Variants in TYK2 observed in about 807,000 individuals in gnomAD.
TYK2 encodes non-receptor tyrosine-protein kinase TYK2.
In TYK2, 65 loss-of-function variants were observed where a neutral mutation model predicts 130.9. That is an observed-to-expected ratio of 0.50 (90% CI 0.41 to 0.61). TYK2 has a LOEUF of 0.61. Among genes scored for constraint, TYK2 ranks in the 20% least tolerant of loss-of-function variants. TYK2 has a pLI of 0.00. For missense variants in TYK2, 1,378 were observed against 1,610.7 expected (o/e 0.86, Z 2.47); for synonymous variants, 647 against 658.9 (o/e 0.98, Z 0.28).
chr19:10,356,430 T>C, intron 18 of TYK2, 138 bp downstream of exon 18: 1 of 1,038,308 alleles, frequency 9.6e-7, no homozygotes, highest in Non-Finnish European at 1.4e-6. Context: ...AGGCAGGGCA[T>C]GCTTATGAAT....
At chr19:10,365,102 C>G in intron 7 of TYK2, 54 bp from the exon 8 acceptor site, 1 of 1,516,778 alleles carries the variant, frequency 6.6e-7, no homozygotes. Flanking sequence ...CCGTTTATAC[C>G]TCCTGCACTT....
chr19:10,358,205 C>A, intron 15 of TYK2, 67 bp from the exon 16 acceptor site: 2 of 1,510,238 alleles, frequency 1.3e-6, no homozygotes, highest in South Asian at 1.2e-5. Context: ...CAAACCTGGT[C>A]CCCATAGGGA....
intron 3 of TYK2, among the ~76,000 whole-genome samples, chr19:10,372,296 GTTT>G (rs776320771): frequency 1.5e-5 from 2 of 129,940 alleles, no homozygotes; most frequent in East Asian, 4.4e-4. Context: ...CCCGGCCTGG[GTTT>G]TTTTTTTTTT....
chr19:10,377,654 GAAT>G (rs1568346703), intron 3 of TYK2, among the ~76,000 whole-genome samples: 1 of 1,144 alleles, frequency 8.7e-4, no homozygotes, highest in Non-Finnish European at 2.0e-3. Context: ...GTGGATGGAT[GAAT>G]GGGTGGGTAT....
intron 3 of TYK2, among the ~76,000 whole-genome samples, chr19:10,372,476 ATATATATATT>A (rs1482276713): frequency 2.0e-4 from 13 of 63,690 alleles, no homozygotes; most frequent in African/African-American, 8.8e-4. Flanking sequence ...ATATATATAT[ATATATATATT>A]TTTTTTTTTT....
At chr19:10,378,101 A>G (rs201987501) in intron 3 of TYK2, 113 bp downstream of exon 3, 14 of 861,602 alleles carry the variant, frequency 1.6e-5, no homozygotes, top group Admixed American at 8.8e-5. Context: ...TGGATGGATG[A>G]GTGGGTGGAT....
At position 10,358,084 on chromosome 19, in the gene TYK2, G is replaced by T. The variant is rs142676100; in HGVS notation, c.2230C>A (p.Arg744=). The T allele has an allele frequency of 8.5e-5, 137 of 1,612,552 alleles. No individual in the cohort carries two copies. The highest frequency in any genetic ancestry group is 3.2e-4 in the Admixed American group (19 of 59,858). The change falls in exon 16 of 25, where the codon CGG becomes AGG. Residue 744 remains arginine (R), a synonymous_variant. Transcript: ENST00000525621. The part of the protein sequence containing the change: ...NVCGRNILLA[R]LGLAEGTSPF... ...CTGGTGCCCTCTGCCAACCCCAGCC[G>T]GGCCAGCAGGATGTTCCGGCCACAC...
At chr19:10,369,753 G>A (rs2041831708) in intron 3 of TYK2, 1 of 453,564 alleles carries the variant, frequency 2.2e-6, no homozygotes, top group African/African-American at 2.0e-5. Context: ...TTTAAAAATT[G>A]TACCTGTCGG....
At chr19:10,355,192 C>T (rs559279713) in intron 18 of TYK2, among the ~76,000 whole-genome samples, 98 of 149,364 alleles carry the variant, frequency 6.6e-4, no homozygotes, top group African/African-American at 2.4e-3. Context: ...TTTGGGAGGC[C>T]GAGGCAGGAG....
In TYK2 at chr19:10,353,811, C is replaced by T. The variant is rs2040936771; in HGVS notation, c.2909-165G>A. The T allele has an allele frequency of 5.9e-6, 4 of 683,422 alleles. No homozygotes were observed. The highest frequency in any genetic ancestry group is 5.5e-5 in the Admixed American group (2 of 36,298). The allele number at this position is 683,422 out of a possible 1,614,324, so 42.3% of individuals were successfully genotyped here. On this transcript the variant is annotated intron_variant, in intron 20 of 24. Transcript: ENST00000525621. The surrounding 1 kb of genome is among the most constrained non-coding windows in gnomAD (Gnocchi z 6.9). Reference sequence around the variant, plus strand: ...ATGGACCCATCCAGAACCCCATTCTCACTTGAGGGAGCTGCTGGTGGCTCC... The same window carrying T: ...ATGGACCCATCCAGAACCCCATTCTTACTTGAGGGAGCTGCTGGTGGCTCC...
At chr19:10,378,094 ATGGATGAGTGGGTGGATGGGTGGG>A in intron 3 of TYK2, 96 bp downstream of exon 3, 1 of 915,966 alleles carries the variant, frequency 1.1e-6, no homozygotes, top group Non-Finnish European at 1.6e-6. Flanking sequence ...GGATGGATGG[ATGGATGAGTGGGTGGATGGGTGGG>A]TGGATGGGTG....
chr19:10,365,781 T>C lies in TYK2; in HGVS notation c.747A>G (p.Arg249=), dbSNP rs745613605. 1 of 1,611,976 alleles carries C rather than the reference T, an allele frequency of 6.2e-7. No homozygotes were observed. The highest frequency in any genetic ancestry group is 1.1e-5 in the South Asian group (1 of 91,004). ...RRFLRDFQPG[R]LSQQMVMVKY... ...TGACCATGACCATCTGCTGGGAGAG[T>C]CGGCCCGGCTGGAAGTCCCGCAGGA... Residue 249 remains arginine (R), a synonymous_variant, in exon 7 of 25, where the codon CGA becomes CGG. Transcript: ENST00000525621.
At chr19:10,357,381 C>A (rs190876159) in intron 17 of TYK2, 3 of 632,348 alleles carry the variant, frequency 4.7e-6, no homozygotes, top group Non-Finnish European at 8.5e-6. Context: ...TAGAGTGGAA[C>A]TTCGTCTCAA....
intron 2 of TYK2, among the ~76,000 whole-genome samples, chr19:10,379,391 G>A (rs917390146): frequency 6.7e-5 from 10 of 150,168 alleles, no homozygotes; most frequent in Non-Finnish European, 1.2e-4. Flanking sequence ...GGCCAGGCGC[G>A]GTGGCTCATG....
rs779714598 is a variant in TYK2, at chr19:10,364,987, G to A, written c.1073C>T (p.Ala358Val). The change falls in exon 8 of 25, where the codon GCT (alanine) becomes GTT (valine). Residue 358 changes from alanine to valine, a missense_variant. By Grantham distance (64) the Ala-to-Val change is moderately conservative. Transcript: ENST00000525621. The surrounding 1 kb of genome is among the most constrained non-coding windows in gnomAD (Gnocchi z 4.9). ...TGCCGGCTGGCCGACTGCCTTGTGA[G>A]CCTTGGCCTTCTTCCCAAACAGGCT... The part of the protein sequence containing the change: ...QASLFGKKAK[A>V]HKAVGQPADR... 3 of 1,613,426 alleles carry A rather than the reference G, an allele frequency of 1.9e-6. No individual in the cohort carries two copies. The highest frequency in any genetic ancestry group is 2.5e-6 in the Non-Finnish European group (3 of 1,179,652).
intron 22 of TYK2, 52 bp from the exon 23 acceptor site, chr19:10,352,603 G>GA (rs759663824): frequency 2.2e-6 from 2 of 924,746 alleles, no homozygotes; most frequent in Non-Finnish European, 3.4e-6. Flanking sequence ...AGGGCTTGGG[G>GA]ATCAGACCAG....
At chr19:10,376,743 C>T (rs1391469018) in intron 3 of TYK2, among the ~76,000 whole-genome samples, 2 of 152,128 alleles carry the variant, frequency 1.3e-5, no homozygotes, top group East Asian at 3.8e-4. Context: ...GCTGGAATTA[C>T]AGGTGCGCAC....
intron 3 of TYK2, among the ~76,000 whole-genome samples, chr19:10,374,584 C>CAAA (rs1278364077): frequency 8.4e-4 from 42 of 50,014 alleles, no homozygotes; most frequent in African/African-American, 1.1e-3. Context: ...GACTCCGTCT[C>CAAA]AAAAAAAAAA....
At position 10,364,794 on chromosome 19, in the gene TYK2, G is replaced by A; in HGVS notation, c.1210-23C>T. On this transcript the variant is annotated intron_variant, in intron 8 of 24. Coordinates refer to ENST00000525621, the MANE Select transcript of TYK2 (RefSeq NM_003331.5). This position sits in a 1 kb window ranked among gnomAD's most constrained non-coding sequence, Gnocchi z 4.9. ...CTCCTGCCAGCCAGGGGCGCATCAG[G>A]TGGGTGTCCTCCCAGGCCATGATGG... The A allele has an allele frequency of 6.2e-7, 1 of 1,614,024 alleles. No homozygotes were observed. Among genetic ancestry groups the A allele is most frequent in the Non-Finnish European group, 8.5e-7 (1 of 1,180,050 alleles).
Sources: gnomAD v4.1 joint callset for allele counts (sites outside exome capture counted in the v4.1 genomes callset) on GRCh38, gnomAD v4.1.1 for gene constraint, Gnocchi (gnomAD v3.1) non-coding constraint, MANE v1.5 for transcripts, NCBI Gene and HGNC (gene_info 2026-07-23, HGNC 2026-07-21) for gene names.